The following RGS22 variants were observed in gnomAD, a reference collection of about 807,000 sequenced individuals.
RGS22 encodes regulator of G-protein signaling 22.
Under a neutral mutation model 172.9 loss-of-function variants are expected in RGS22, and 148 were observed. That is an observed-to-expected ratio of 0.86 (90% CI 0.75 to 0.98). The LOEUF (loss-of-function observed/expected upper bound fraction) is 0.98, where lower values mean the gene tolerates loss of function less well. Ranked by LOEUF, RGS22 falls within the 50% of genes least tolerant of loss-of-function variation. RGS22 has a pLI of 0.00. For synonymous variants in RGS22, 458 were observed against 480.2 expected, an observed-to-expected ratio of 0.95 and a Z score of 0.60; for missense variants, 1,347 against 1,440.8, an observed-to-expected ratio of 0.93 and a Z score of 1.05.
chr8:99,963,089 CA>C (rs1459136998), intron 24 of RGS22, 111 bp from the exon 25 acceptor site: 18 of 840,674 alleles, frequency 2.1e-5, no homozygotes, highest in Non-Finnish European at 3.0e-5. Flanking sequence ...TAAAGTATAA[CA>C]CACATAAAGA....
At chr8:100,014,137 C>A (rs573268291) in intron 14 of RGS22, among the ~76,000 whole-genome samples, 1 of 152,172 alleles carries the variant, frequency 6.6e-6, no homozygotes, top group African/African-American at 2.4e-5. Context: ...CTCTCAAGAG[C>A]TCTCTTTTAA....
chr8:100,057,371 A>G (rs1809723916), intron 9 of RGS22, among the ~76,000 whole-genome samples: 1 of 152,166 alleles, frequency 6.6e-6, no homozygotes, highest in African/African-American at 2.4e-5. Flanking sequence ...ACTGCTGGGA[A>G]GGCACGATGG....
rs763945714 is a variant in RGS22, at chr8:100,080,357, T to C, written c.118-2A>G. ...AAATCTAATTGCCTCTGAAAAGGTC[T>C]GCAATATAAATTTGTGGAAATTAAA... On this transcript the variant is annotated splice_acceptor_variant, in intron 3 of 27. Transcript: ENST00000360863. LOFTEE classifies it high-confidence loss of function. The C allele has an allele frequency of 1.3e-6, 2 of 1,595,916 alleles. No individual in the cohort carries two copies. Among genetic ancestry groups the C allele is most frequent in the Non-Finnish European group, 1.7e-6 (2 of 1,170,024 alleles).
intron 20 of RGS22, among the ~76,000 whole-genome samples, chr8:99,990,439 C>G (rs1324292847): frequency 6.6e-6 from 1 of 152,138 alleles, no homozygotes. Context: ...CATCTCCAAG[C>G]CTAAATTTTC....
Position 99,982,108 on chromosome 8 carries a change from G to C in RGS22, c.3189C>G (p.Cys1063Trp). 10 of 1,610,694 alleles carry C rather than the reference G, an allele frequency of 6.2e-6. No individual in the cohort carries two copies. Among genetic ancestry groups the C allele is most frequent in the Non-Finnish European group, 8.5e-6 (10 of 1,178,080 alleles). The change falls in exon 22 of 28, where the codon TGC becomes TGG. Residue 1063 changes from cysteine to tryptophan, a missense_variant. Physicochemically the swap from Cys to Trp is radical, Grantham distance 215 (BLOSUM62 -2). Coordinates refer to ENST00000360863, the MANE Select transcript of RGS22 (RefSeq NM_015668.5). Reference sequence around the variant, plus strand: ...TGACAGACTCATCACAATGAGAATGGCACAAGTCCTGAACAGAAGGAAAGA... The same window carrying C: ...TGACAGACTCATCACAATGAGAATGCCACAAGTCCTGAACAGAAGGAAAGA... ...WQEVQKYKDLCHSHCDESVIQ... is the reference protein window; with the variant it reads ...WQEVQKYKDLWHSHCDESVIQ...
chr8:100,064,162 A>ACCGC, intron 7 of RGS22, 119 bp from the exon 8 acceptor site: 1 of 715,210 alleles, frequency 1.4e-6, no homozygotes, highest in Non-Finnish European at 2.1e-6. Flanking sequence ...GACTGCATGG[A>ACCGC]CCGGTGTCTT....
intron 3 of RGS22, among the ~76,000 whole-genome samples, chr8:100,092,812 T>C (rs1364015958): frequency 2.0e-5 from 3 of 152,246 alleles, no homozygotes; most frequent in Non-Finnish European, 4.4e-5. Flanking sequence ...TGTCTATGAC[T>C]GAAACTATTA....
chr8:100,096,004 A>T (rs750834128), intron 2 of RGS22, among the ~76,000 whole-genome samples: 5 of 152,172 alleles, frequency 3.3e-5, no homozygotes, highest in Non-Finnish European at 7.3e-5. Flanking sequence ...AAATAAAGGA[A>T]CCTATTTTCC....
intron 3 of RGS22, among the ~76,000 whole-genome samples, chr8:100,082,287 G>A (rs1811823044): frequency 6.6e-6 from 1 of 152,030 alleles, no homozygotes; most frequent in Non-Finnish European, 1.5e-5. Flanking sequence ...TAAATTGCAT[G>A]TTGCAGGGGT....
intron 3 of RGS22, 125 bp downstream of exon 3, chr8:100,093,322 C>T (rs904817942): frequency 6.8e-6 from 4 of 585,038 alleles, no homozygotes; most frequent in Non-Finnish European, 1.2e-5. Flanking sequence ...AAAACCTTTA[C>T]CTAAATGCTT....
At chr8:99,989,009 G>A (rs999850297) in intron 20 of RGS22, among the ~76,000 whole-genome samples, 2 of 151,884 alleles carry the variant, frequency 1.3e-5, no homozygotes, top group Admixed American at 6.5e-5. Flanking sequence ...TTTAAAACCT[G>A]TAATTTAAAC....
Position 100,062,660 on chromosome 8 carries a change from C to A in RGS22, c.1445G>T (p.Gly482Val). 6.2e-7 allele frequency: 1 copy of A among 1,602,526 alleles called. No homozygotes were observed. The highest frequency in any genetic ancestry group is 8.5e-7 in the Non-Finnish European group (1 of 1,172,106). The change falls in exon 9 of 28, where the codon GGA becomes GTA. Residue 482 changes from glycine (G) to valine (V), a missense_variant. By Grantham distance (109) the Gly-to-Val change is moderately radical (BLOSUM62 -3). Transcript: ENST00000360863. ...TAAATGCTCTTCATTCCACTGTGAT[C>A]CATCTAACAGTTTAAATTTTGATAA... is the stretch of plus-strand genomic sequence containing the variant. The part of the protein sequence containing the change: ...EILSKFKLLD[G>V]SQWNEEHLRN...
At chr8:99,973,982 A>G (rs1302178018) in intron 23 of RGS22, among the ~76,000 whole-genome samples, 1 of 152,170 alleles carries the variant, frequency 6.6e-6, no homozygotes, top group Non-Finnish European at 1.5e-5. Context: ...ACGCACATGT[A>G]TCCTAGAAAT....
intron 23 of RGS22, among the ~76,000 whole-genome samples, chr8:99,976,301 C>A (rs73274920): frequency 0.081 from 12,361 of 152,188 alleles, 764 homozygotes; most frequent in African/African-American, 0.16. Context: ...AACATTAAAA[C>A]AGTACTTTGT....
chr8:100,038,895 G>C (rs777349380), intron 14 of RGS22, 36 bp downstream of exon 14: 4 of 1,340,298 alleles, frequency 3.0e-6, no homozygotes, highest in Non-Finnish European at 4.2e-6. Context: ...TGTGTACTTA[G>C]TGCTTCACAT....
At position 100,020,902 on chromosome 8, in the gene RGS22, G is replaced by A. The variant is rs534276431; in HGVS notation, c.2167-12333C>T. Among the ~76,000 whole-genome samples, 7 of 152,246 alleles carry A rather than the reference G, an allele frequency of 4.6e-5. No homozygotes were observed. The South Asian group carries it at 1.5e-3, about 32-fold the overall frequency. On this transcript the variant is annotated intron_variant, in intron 14 of 27. Coordinates refer to ENST00000360863, the MANE Select transcript of RGS22 (RefSeq NM_015668.5). ...TATGGGGGAAATATTATATGATGGG[G>A]TGCTACTGCACATCTCTTCCCAACT... is the stretch of plus-strand genomic sequence containing the variant.
Position 100,051,497 on chromosome 8 carries a change from TAATA to T in RGS22, c.1689+1301_1689+1304del, listed in dbSNP as rs1332279759. The stretch of plus-strand genomic sequence containing the variant: ...ATTATATATATTTATATATAATATA[TAATA>T]AATATATATAAATATATTTTTATAT... On this transcript the variant is annotated intron_variant, in intron 10 of 27. Coordinates refer to ENST00000360863, the MANE Select transcript of RGS22 (RefSeq NM_015668.5). 4.3e-4 allele frequency among the ~76,000 whole-genome samples: 26 copies of T among 60,960 alleles called. 3 individuals are homozygous for T. Among genetic ancestry groups the T allele is most frequent in the African/African-American group, 1.3e-3 (20 of 15,954 alleles). The allele number at this position is 60,960 out of a possible 152,430, so 40.0% of individuals were successfully genotyped here.
At position 100,021,379 on chromosome 8, in the gene RGS22, AG is replaced by A. The variant is rs1308336607; in HGVS notation, c.2167-12811del. 3.9e-5 allele frequency among the ~76,000 whole-genome samples: 6 copies of A among 152,340 alleles called. No individual in the cohort carries two copies. In the East Asian group the frequency reaches 1.2e-3, roughly 29 times the overall value. On this transcript the variant is annotated intron_variant, in intron 14 of 27. Coordinates refer to ENST00000360863, the MANE Select transcript of RGS22 (RefSeq NM_015668.5). ...ATTCTGAATAGTCCTTATTTAGAAA[AG>A]GTCAAAACTAAGCTTCAAATATTAC...
intron 16 of RGS22, among the ~76,000 whole-genome samples, chr8:100,005,533 A>C (rs1483843448): frequency 6.6e-6 from 1 of 152,170 alleles, no homozygotes; most frequent in African/African-American, 2.4e-5. Flanking sequence ...TCAAAATAAC[A>C]CTTTAATATC....
Sources: allele counts gnomAD v4.1 joint callset (sites outside exome capture counted in the v4.1 genomes callset), GRCh38; gene constraint gnomAD v4.1.1; transcripts MANE v1.5; gene names NCBI Gene and HGNC (gene_info 2026-07-23, HGNC 2026-07-21).